PID1: variants seen among roughly 807,000 people sequenced by gnomAD.
PID1 encodes the protein phosphotyrosine interaction domain containing 1.
In PID1, 10 loss-of-function variants were observed where a neutral mutation model predicts 19.1. The observed-to-expected ratio is 0.52, with a 90% confidence interval of 0.32 to 0.89. PID1 has a LOEUF of 0.89. PID1 is among the 40% of genes least tolerant of loss of function. The pLI is 0.03. For synonymous variants in PID1, 130 were observed against 116.0 expected (o/e 1.12, Z -0.78); for missense variants, 248 against 285.3 (o/e 0.87, Z 0.94).
intron 1 of PID1, among the ~76,000 whole-genome samples, chr2:229,258,615 C>T (rs1367380315): frequency 6.6e-6 from 1 of 152,120 alleles, no homozygotes; most frequent in East Asian, 1.9e-4. Context: ...GATTTGTTTT[C>T]AATGTATGTA....
chr2:229,042,798 C>G (rs571193058), intron 2 of PID1, among the ~76,000 whole-genome samples: 1 of 152,130 alleles, frequency 6.6e-6, no homozygotes, highest in African/African-American at 2.4e-5. Context: ...CTTGGAACCA[C>G]AGATTTTCTG....
intron 1 of PID1, among the ~76,000 whole-genome samples, chr2:229,216,599 ATCC>A (rs1300855529): frequency 6.6e-6 from 1 of 152,198 alleles, no homozygotes; most frequent in Non-Finnish European, 1.5e-5. Context: ...CATGTGAGTA[ATCC>A]TCGAGTTATC....
chr2:229,192,786 T>A (rs1691289008), intron 1 of PID1, among the ~76,000 whole-genome samples: 1 of 152,164 alleles, frequency 6.6e-6, no homozygotes. Flanking sequence ...AATGTTTAGT[T>A]TTATTGCATT....
intron 1 of PID1, among the ~76,000 whole-genome samples, chr2:229,159,966 G>A (rs1690459270): frequency 1.3e-5 from 2 of 152,172 alleles, no homozygotes; most frequent in Non-Finnish European, 2.9e-5. Flanking sequence ...GGTTTGCCAA[G>A]TTGGTTGGGA....
intron 1 of PID1, among the ~76,000 whole-genome samples, chr2:229,186,239 C>T (rs1381730925): frequency 6.6e-6 from 1 of 152,178 alleles, no homozygotes; most frequent in Non-Finnish European, 1.5e-5. Flanking sequence ...CAGCCTCCCT[C>T]CTACCTGCTT....
chr2:229,059,644 T>A (rs1207189152), intron 2 of PID1, among the ~76,000 whole-genome samples: 3 of 152,210 alleles, frequency 2.0e-5, no homozygotes, highest in Non-Finnish European at 4.4e-5. Context: ...CTAAATTAAA[T>A]CAAATGGTCT....
rs186571081 is a variant in PID1 at position 229,103,826 on chromosome 2, C to A, written c.177+51992G>T. ...ACTCCTGACCTCGTGATCCACCCACCTTGGCCTCCCAAAGTGTTGGGATTA... is the reference window on the plus strand; with the variant it reads ...ACTCCTGACCTCGTGATCCACCCACATTGGCCTCCCAAAGTGTTGGGATTA... On this transcript the variant is annotated intron_variant, in intron 2 of 2. Transcript: ENST00000392055. Among the ~76,000 whole-genome samples, 1,112 of 152,220 alleles carry A rather than the reference C, an allele frequency of 7.3e-3. 17 individuals carry two copies. The highest frequency in any genetic ancestry group is 0.026 in the African/African-American group (1,076 of 41,542).
Position 229,038,413 on chromosome 2 carries a change from C to T in PID1, c.178-12305G>A, listed in dbSNP as rs544490325. 2.0e-5 allele frequency among the ~76,000 whole-genome samples: 3 copies of T among 152,228 alleles called. No homozygotes were observed. The South Asian group carries it at 6.2e-4, about 32-fold the overall frequency. ...GGATGAATCTCTGGGGGTAATTATACTGAGTCAAAGTCATCCTCCAAAGGT... is the reference window on the plus strand; with the variant it reads ...GGATGAATCTCTGGGGGTAATTATATTGAGTCAAAGTCATCCTCCAAAGGT... On this transcript the variant is annotated intron_variant, in intron 2 of 2. Coordinates refer to ENST00000392055, the MANE Select transcript of PID1 (RefSeq NM_001100818.2).
intron 2 of PID1, among the ~76,000 whole-genome samples, chr2:229,118,577 C>T (rs1695455606): frequency 6.6e-6 from 1 of 152,044 alleles, no homozygotes; most frequent in African/African-American, 2.4e-5. Context: ...TGCTTCACAA[C>T]AAAGTTTTGT....
intron 2 of PID1, among the ~76,000 whole-genome samples, chr2:229,098,389 C>T (rs578147746): frequency 6.6e-6 from 1 of 152,252 alleles, no homozygotes; most frequent in African/African-American, 2.4e-5. Context: ...TAATGGGAAA[C>T]AGTTTCTTTA....
intron 2 of PID1, among the ~76,000 whole-genome samples, chr2:229,039,656 C>G (rs987422241): frequency 9.2e-5 from 14 of 152,116 alleles, no homozygotes; most frequent in Non-Finnish European, 1.5e-5. Flanking sequence ...AATATCTACT[C>G]GTAGTATCAC....
At chr2:229,192,402 T>C (rs1224278878) in intron 1 of PID1, among the ~76,000 whole-genome samples, 1 of 152,070 alleles carries the variant, frequency 6.6e-6, no homozygotes, top group Non-Finnish European at 1.5e-5. Flanking sequence ...ATATCAAGAG[T>C]ATCCGGATAA....
rs143758041 is a variant in PID1, at chr2:229,189,640, T to A, written c.31-33676A>T. Among the ~76,000 whole-genome samples, 1,331 of 152,266 alleles carry A rather than the reference T, an allele frequency of 8.7e-3. 24 individuals are homozygous for A. Among genetic ancestry groups the A allele is most frequent in the African/African-American group, 0.031 (1,269 of 41,542 alleles). On this transcript the variant is annotated intron_variant, in intron 1 of 2. Coordinates refer to ENST00000392055, the MANE Select transcript of PID1 (RefSeq NM_001100818.2). ...TGAACCTGGGAGGCGGAGGTTGCAG[T>A]CAGCTGAGATTGCACCACTGCACTC...
chr2:229,167,708 A>G (rs1224251861), intron 1 of PID1, among the ~76,000 whole-genome samples: 1 of 152,222 alleles, frequency 6.6e-6, no homozygotes, highest in Non-Finnish European at 1.5e-5. Flanking sequence ...AAATTACAAA[A>G]TAGTATTTTA....
chr2:229,210,279 G>A (rs961870972), intron 1 of PID1, among the ~76,000 whole-genome samples: 7 of 151,874 alleles, frequency 4.6e-5, no homozygotes, highest in African/African-American at 1.2e-4. Context: ...TTGGGAGGCC[G>A]AGGCAGGTGG....
chr2:229,030,580 G>A (rs1452476447), intron 2 of PID1, among the ~76,000 whole-genome samples: 1 of 96,956 alleles, frequency 1.0e-5, no homozygotes, highest in South Asian at 2.5e-4. Flanking sequence ...TGCTCTAAAG[G>A]CACACTTTCT....
At chr2:229,030,530 G>T (rs956336093) in intron 2 of PID1, among the ~76,000 whole-genome samples, 1 of 152,138 alleles carries the variant, frequency 6.6e-6, no homozygotes, top group Non-Finnish European at 1.5e-5. Context: ...ACTGAAACTA[G>T]AAATAACTGT....
intron 1 of PID1, among the ~76,000 whole-genome samples, chr2:229,257,922 G>C (rs941504895): frequency 6.6e-6 from 1 of 152,130 alleles, no homozygotes; most frequent in African/African-American, 2.4e-5. Context: ...CCACAAACTA[G>C]AATCAAGACC....
chr2:229,261,583 A>G (rs1690461839), intron 1 of PID1, among the ~76,000 whole-genome samples: 1 of 152,246 alleles, frequency 6.6e-6, no homozygotes, highest in Non-Finnish European at 1.5e-5. Flanking sequence ...AGCAACTCTG[A>G]GGAAAGGTTT....
Sources: gnomAD v4.1 joint callset for allele counts (sites outside exome capture counted in the v4.1 genomes callset) on GRCh38, gnomAD v4.1.1 for gene constraint, MANE v1.5 for transcripts, NCBI Gene and HGNC (gene_info 2026-07-23, HGNC 2026-07-21) for gene names.